Variants in MTCH2 observed in about 807,000 individuals in gnomAD.
MTCH2 encodes mitochondrial carrier 2.
A neutral mutation model predicts 50.6 loss-of-function variants in MTCH2; 25 were observed. The observed-to-expected ratio is 0.49, with a 90% CI of 0.36 to 0.69. MTCH2 has a LOEUF of 0.69. Among genes scored for constraint, MTCH2 ranks in the 30% least tolerant of loss-of-function variants. The probability of loss-of-function intolerance (pLI) is 0.00; values close to 1 mark genes in which losing one functional copy is unlikely to be tolerated. For missense variants in MTCH2, 273 were observed against 384.4 expected, an observed-to-expected ratio of 0.71 and a Z score of 2.42; for synonymous variants, 106 against 132.0, an observed-to-expected ratio of 0.80 and a Z score of 1.35.
intron 12 of MTCH2, among the ~76,000 whole-genome samples, chr11:47,620,661 A>G (rs1344857488): frequency 6.6e-6 from 1 of 152,130 alleles, no homozygotes; most frequent in Non-Finnish European, 1.5e-5. Context: ...AAAATAAAGA[A>G]CCAAATAAGT....
At chr11:47,632,174 A>G (rs1199880169) in intron 5 of MTCH2, among the ~76,000 whole-genome samples, 1 of 152,030 alleles carries the variant, frequency 6.6e-6, no homozygotes, top group Non-Finnish European at 1.5e-5. Flanking sequence ...TTGGGAGAAG[A>G]GAACAATTTT....
rs528732823 is a variant in MTCH2 at position 47,617,831 on chromosome 11, G to C, written c.*1002C>G. The stretch of plus-strand genomic sequence containing the variant: ...GTGTCCTAAGACCCATGTCGACTTG[G>C]GTTGGCATTACCAGACATGGAGTTA... On this transcript the variant is annotated 3_prime_UTR_variant, in exon 13 of 13. Transcript: ENST00000302503. The C allele has an allele frequency of 2.0e-5, 3 of 152,212 alleles. No homozygotes were observed. The South Asian group carries it at 6.2e-4, about 32-fold the overall frequency. The allele number at this position is 152,212 out of a possible 1,614,324, so 9.4% of individuals were successfully genotyped here. A position where few individuals can be genotyped will look rare whatever the true frequency, so the allele number is the denominator to read the frequency against.
At chr11:47,622,913 T>A in intron 11 of MTCH2, 137 bp from the exon 12 acceptor site, 1 of 533,734 alleles carries the variant, frequency 1.9e-6, no homozygotes, top group Non-Finnish European at 3.3e-6. Context: ...ACAAATCATA[T>A]TGAAGCAGGG....
At chr11:47,630,757 G>A in intron 7 of MTCH2, 143 bp from the exon 8 acceptor site, 1 of 799,804 alleles carries the variant, frequency 1.3e-6, no homozygotes, top group Non-Finnish European at 2.0e-6. Flanking sequence ...ACTCTGCAAA[G>A]ATAGCTAAAT....
At chr11:47,624,754 C>T (rs1407475821) in intron 11 of MTCH2, among the ~76,000 whole-genome samples, 1 of 152,152 alleles carries the variant, frequency 6.6e-6, no homozygotes, top group Non-Finnish European at 1.5e-5. Context: ...GCTAGGACTT[C>T]ACCACCACAT....
downstream of MTCH2, among the ~76,000 whole-genome samples, chr11:47,613,475 T>C (rs935796771): frequency 6.6e-6 from 1 of 152,188 alleles, no homozygotes; most frequent in Non-Finnish European, 1.5e-5. Context: ...TGCTGACACA[T>C]AGATCAGTTT....
At chr11:47,622,605 C>A in intron 12 of MTCH2, 96 bp downstream of exon 12, 3 of 974,264 alleles carry the variant, frequency 3.1e-6, no homozygotes, top group East Asian at 5.5e-5. Flanking sequence ...AAGTGAGCTA[C>A]AAGAGTTAAC....
At chr11:47,617,094 TC>T (rs1356099242), downstream of MTCH2, among the ~76,000 whole-genome samples, 3 of 152,232 alleles carry the variant, frequency 2.0e-5, no homozygotes, top group African/African-American at 7.2e-5. Context: ...GGTATAGGAC[TC>T]TGACTAGACC....
At chr11:47,627,277 C>T (rs2097299052) in intron 9 of MTCH2, 150 bp from the exon 10 acceptor site, 1 of 524,916 alleles carries the variant, frequency 1.9e-6, no homozygotes, top group Non-Finnish European at 3.4e-6. Context: ...TCCTGAAGCA[C>T]ACATCACCAC....
chr11:47,604,619 T>C, the MTCH2 span, among the ~76,000 whole-genome samples: 1 of 152,222 alleles, frequency 6.6e-6, no homozygotes, highest in Non-Finnish European at 1.5e-5. Context: ...TTGTTTGTAA[T>C]AGCAAAATAC....
At chr11:47,631,993 A>G (rs996058611) in intron 5 of MTCH2, among the ~76,000 whole-genome samples, 1 of 152,286 alleles carries the variant, frequency 6.6e-6, no homozygotes, top group Admixed American at 6.5e-5. Context: ...TACAGGTAAG[A>G]GAAAAAAATA....
At chr11:47,633,527 T>TATATATATATATATATATA (rs59398950) in intron 5 of MTCH2, among the ~76,000 whole-genome samples, 21 of 18,912 alleles carry the variant, frequency 1.1e-3, no homozygotes, top group East Asian at 2.0e-3. Context: ...TATATATATA[T>TATATATATATATATATATA]TTTTTTTTTT....
At chr11:47,605,133 G>A in the MTCH2 span, among the ~76,000 whole-genome samples, 3 of 152,056 alleles carry the variant, frequency 2.0e-5, no homozygotes, top group South Asian at 4.2e-4. Flanking sequence ...GAGTTTTACC[G>A]GGTTAGCCAG....
intron 8 of MTCH2, 56 bp from the exon 9 acceptor site, chr11:47,629,102 G>T: frequency 7.3e-7 from 1 of 1,368,846 alleles, no homozygotes; most frequent in Non-Finnish European, 1.0e-6. Context: ...TAACATGACA[G>T]GCTCTTCAGT....
intron 1 of MTCH2, 65 bp downstream of exon 1, chr11:47,642,314 G>A (rs2097315046): frequency 3.5e-6 from 5 of 1,415,870 alleles, no homozygotes; most frequent in Non-Finnish European, 4.8e-6. Context: ...CCGATCCTCA[G>A]GCGCCCTGAG....
At chr11:47,619,238 CTTTG>C (rs1020509551) in intron 12 of MTCH2, among the ~76,000 whole-genome samples, 2 of 152,124 alleles carry the variant, frequency 1.3e-5, no homozygotes, top group African/African-American at 2.4e-5. Flanking sequence ...TCATTTATTT[CTTTG>C]TTTTTCTTTT....
At chr11:47,628,453 A>G (rs1437886784) in intron 9 of MTCH2, among the ~76,000 whole-genome samples, 1 of 152,194 alleles carries the variant, frequency 6.6e-6, no homozygotes, top group Non-Finnish European at 1.5e-5. Context: ...GTTCTACAGT[A>G]AACAGTATCG....
intron 12 of MTCH2, among the ~76,000 whole-genome samples, chr11:47,621,218 AAAC>A (rs1178190693): frequency 6.6e-6 from 1 of 152,224 alleles, no homozygotes; most frequent in African/African-American, 2.4e-5. Flanking sequence ...GAGCAACTAC[AAAC>A]AACACTTAGG....
At chr11:47,635,604 TA>T (rs2097307788) in intron 3 of MTCH2, 33 bp from the exon 4 acceptor site, 1 of 1,587,624 alleles carries the variant, frequency 6.3e-7, no homozygotes, top group Admixed American at 1.7e-5. Context: ...TGATTAGGGT[TA>T]TTACAGTGTC....
Sources: gnomAD v4.1 joint callset for allele counts (sites outside exome capture counted in the v4.1 genomes callset) on GRCh38, gnomAD v4.1.1 for gene constraint, MANE v1.5 for transcripts, NCBI Gene and HGNC (gene_info 2026-07-23, HGNC 2026-07-21) for gene names.